TRMT10A: variants seen among roughly 807,000 people sequenced by gnomAD.
TRMT10A encodes tRNA methyltransferase 10 homolog A.
TRMT10A carries 37 observed loss-of-function variants against 40.4 expected under a neutral mutation model. The ratio of observed to expected loss-of-function variants is 0.92; its 90% CI spans 0.71 to 1.21. TRMT10A has a LOEUF of 1.21. Ranked by LOEUF, TRMT10A falls within the 50% of genes most tolerant of loss-of-function variation. TRMT10A has a pLI of 0.00. For missense variants in TRMT10A, 388 were observed against 404.3 expected, an observed-to-expected ratio of 0.96 and a Z score of 0.35; for synonymous variants, 103 against 134.1, an observed-to-expected ratio of 0.77 and a Z score of 1.60.
At chr4:99,557,567 T>A (rs1724213141) in intron 3 of TRMT10A, 151 bp from the exon 4 acceptor site, 1 of 608,822 alleles carries the variant, frequency 1.6e-6, no homozygotes, top group African/African-American at 1.9e-5. Context: ...TGTTATTTGA[T>A]TTCCTTACAT....
At chr4:99,559,399 G>T (rs1724295691) in intron 1 of TRMT10A, 38 bp from the exon 2 acceptor site, 4 of 1,346,620 alleles carry the variant, frequency 3.0e-6, no homozygotes, top group Non-Finnish European at 4.1e-6. Context: ...GCACAAAAAA[G>T]TTAAAAAACT....
intron 5 of TRMT10A, among the ~76,000 whole-genome samples, chr4:99,555,857 G>C (rs1437857967): frequency 1.3e-5 from 2 of 152,154 alleles, no homozygotes; most frequent in African/African-American, 4.8e-5. Flanking sequence ...TGTATAGCTA[G>C]TATGTTAGGG....
At chr4:99,560,450 C>G (rs1467203845) in intron 1 of TRMT10A, among the ~76,000 whole-genome samples, 1 of 152,030 alleles carries the variant, frequency 6.6e-6, no homozygotes, top group African/African-American at 2.4e-5. Flanking sequence ...CAATCTGACT[C>G]AGGATGCAGA....
At chr4:99,554,793 T>A (rs1005255216) in intron 5 of TRMT10A, among the ~76,000 whole-genome samples, 8 of 150,910 alleles carry the variant, frequency 5.3e-5, no homozygotes, top group African/African-American at 1.9e-4. Context: ...ATTCCATGTA[T>A]CTGTTTCTAC....
intron 3 of TRMT10A, 60 bp from the exon 4 acceptor site, chr4:99,557,476 A>T (rs1284898621): frequency 6.8e-7 from 1 of 1,464,578 alleles, no homozygotes; most frequent in Non-Finnish European, 9.5e-7. Context: ...CCATTCTATG[A>T]TCTTAAAGGA....
chr4:99,559,321 C>G lies in TRMT10A; in HGVS notation c.18G>C (p.Leu6Phe). 4 of 1,609,972 alleles carry G rather than the reference C, an allele frequency of 2.5e-6. No homozygotes were observed. Among genetic ancestry groups the G allele is most frequent in the Non-Finnish European group, 3.4e-6 (4 of 1,177,564 alleles). Residue 6 changes from leucine (L) to phenylalanine (F), a missense_variant, in exon 2 of 8, where the codon TTG becomes TTC. By Grantham distance (22) the Leu-to-Phe change is conservative. Transcript: ENST00000394876. MSSEM[L>F]PAFIETSNVD... ...CATTAGAAGTTTCAATAAATGCTGG[C>G]AACATTTCAGATGACATTATTTGGT...
In TRMT10A at chr4:99,563,788, C is replaced by T. The variant is rs1321327980; in HGVS notation, c.-24+125G>A. 7.3e-6 allele frequency: 4 copies of T among 551,222 alleles called. No homozygotes were observed. The Admixed American group carries it at 9.8e-5, about 14-fold the overall frequency. The allele number at this position is 551,222 out of a possible 1,614,324, so 34.1% of individuals were successfully genotyped here. ...CAAGAGCGCCGCAGGAAACCACTTC[C>T]ACACCACTGCTCCCCTCTCCCCCGG... On this transcript the variant is annotated intron_variant, in intron 1 of 7. Coordinates refer to ENST00000394876, the MANE Select transcript of TRMT10A (RefSeq NM_001134665.3).
At chr4:99,562,199 A>ATGTGTGTG (rs565108332) in intron 1 of TRMT10A, among the ~76,000 whole-genome samples, 23 of 117,688 alleles carry the variant, frequency 2.0e-4, no homozygotes, top group African/African-American at 7.3e-4. Context: ...ATATATATAT[A>ATGTGTGTG]TATGTGTGTG....
In TRMT10A at chr4:99,563,979, G is replaced by A. The variant is rs1249085740; in HGVS notation, c.-90C>T. 1 of 1,334,536 alleles carries A rather than the reference G, an allele frequency of 7.5e-7. No homozygotes were observed. Among genetic ancestry groups the A allele is most frequent in the African/African-American group, 1.5e-5 (1 of 68,604 alleles). 82.7% of individuals were successfully genotyped at this position (1,334,536 alleles called of 1,614,324 possible). A position where few individuals can be genotyped will look rare whatever the true frequency, so the allele number is the denominator to read the frequency against. On this transcript the variant is annotated 5_prime_UTR_variant, in exon 1 of 8. Transcript: ENST00000394876. The stretch of plus-strand genomic sequence containing the variant: ...AGCCTTTCTGGGTTGGCCTGGTTAC[G>A]GCTCACGCTTCCTTCCACAGAAACT...
chr4:99,561,637 C>A (rs1004991847), intron 1 of TRMT10A, among the ~76,000 whole-genome samples: 13 of 152,186 alleles, frequency 8.5e-5, no homozygotes, highest in African/African-American at 3.1e-4. Flanking sequence ...ACTGTCTACA[C>A]TATACAATAA....
chr4:99,559,898 A>G (rs951431763), intron 1 of TRMT10A, among the ~76,000 whole-genome samples: 3 of 152,158 alleles, frequency 2.0e-5, no homozygotes, highest in African/African-American at 7.2e-5. Context: ...TACATTAAAC[A>G]AAATCAAAGA....
chr4:99,551,517 G>C (rs1034784206), intron 6 of TRMT10A, among the ~76,000 whole-genome samples: 1 of 152,100 alleles, frequency 6.6e-6, no homozygotes, highest in Non-Finnish European at 1.5e-5. Flanking sequence ...TGTTTGTGGT[G>C]ATGCTGGAAG....
chr4:99,555,145 C>T (rs770811453), intron 5 of TRMT10A, among the ~76,000 whole-genome samples: 4 of 152,158 alleles, frequency 2.6e-5, no homozygotes, highest in African/African-American at 4.8e-5. Flanking sequence ...CGCAAAATAA[C>T]TGAAAACATG....
chr4:99,561,635 C>T (rs1191248393), intron 1 of TRMT10A, among the ~76,000 whole-genome samples: 1 of 152,074 alleles, frequency 6.6e-6, no homozygotes, highest in Non-Finnish European at 1.5e-5. Flanking sequence ...GCACTGTCTA[C>T]ACTATACAAT....
chr4:99,547,536 T>C lies in TRMT10A; in HGVS notation c.*1552A>G, dbSNP rs1416780626. 1 of 152,108 alleles carries C rather than the reference T, an allele frequency of 6.6e-6. No homozygotes were observed. The highest frequency in any genetic ancestry group is 1.5e-5 in the Non-Finnish European group (1 of 67,996). 9.4% of individuals were successfully genotyped at this position (152,108 alleles called of 1,614,324 possible). On this transcript the variant is annotated 3_prime_UTR_variant, in exon 8 of 8. Coordinates refer to ENST00000394876, the MANE Select transcript of TRMT10A (RefSeq NM_001134665.3). ...AAAATAATTTAAGTAAAAGGCATAA[T>C]ATTTCATGCTAATAAACCACATTTA...
chr4:99,563,680 A>G (rs890887163), intron 1 of TRMT10A: 1 of 332,390 alleles, frequency 3.0e-6, no homozygotes, highest in South Asian at 2.3e-5. Context: ...CATTTCAGAG[A>G]CGGGATTAAG....
chr4:99,559,219 T>C lies in TRMT10A; in HGVS notation c.120A>G (p.Ile40Met). Reference protein sequence around the residue: ...KPRLGEGCEPISKRQMKKLIK... With the variant: ...KPRLGEGCEPMSKRQMKKLIK... ...TTAGTTTTTTCATTTGTCGTTTAGA[T>C]ATTGGTTCACACCCTTCACCTAATC... The change falls in exon 2 of 8, where the codon ATA becomes ATG. Residue 40 changes from isoleucine (I) to methionine (M), a missense_variant. Ile to Met is a conservative substitution (Grantham distance 10). Transcript: ENST00000394876. 1.2e-6 allele frequency: 2 copies of C among 1,613,594 alleles called. No homozygotes were observed. Among genetic ancestry groups the C allele is most frequent in the Non-Finnish European group, 1.7e-6 (2 of 1,179,640 alleles).
At chr4:99,549,477 T>G in intron 7 of TRMT10A, 121 bp from the exon 8 acceptor site, 1 of 1,268,622 alleles carries the variant, frequency 7.9e-7, no homozygotes, top group Non-Finnish European at 1.1e-6. Context: ...ACTACTTTGT[T>G]CTTAGCTCTT....
At chr4:99,558,960 T>G (rs1448414453) in intron 2 of TRMT10A, among the ~76,000 whole-genome samples, 194 bp downstream of exon 2, 1 of 152,166 alleles carries the variant, frequency 6.6e-6, no homozygotes, top group African/African-American at 2.4e-5. Context: ...TAACAGCCAG[T>G]TGACAGTGTT....
Sources: gnomAD v4.1 joint callset for allele counts (sites outside exome capture counted in the v4.1 genomes callset) on GRCh38, gnomAD v4.1.1 for gene constraint, MANE v1.5 for transcripts, NCBI Gene and HGNC (gene_info 2026-07-23, HGNC 2026-07-21) for gene names.